SLC2A13: variants seen among roughly 807,000 people sequenced by gnomAD.
The protein encoded by SLC2A13 is proton myo-inositol cotransporter.
A neutral mutation model predicts 64.4 loss-of-function variants in SLC2A13; 32 were observed. The ratio of observed to expected loss-of-function variants is 0.50; its 90% confidence interval spans 0.37 to 0.67. The LOEUF (loss-of-function observed/expected upper bound fraction) is 0.67, where lower values mean the gene tolerates loss of function less well. Ranked by LOEUF, SLC2A13 falls within the 30% of genes least tolerant of loss-of-function variation. The pLI, the probability that SLC2A13 is intolerant of heterozygous loss-of-function variation, is 0.00. For missense variants in SLC2A13, 743 were observed against 829.2 expected, an observed-to-expected ratio of 0.90 and a Z score of 1.28; for synonymous variants, 338 against 327.1, an observed-to-expected ratio of 1.03 and a Z score of -0.36.
intron 6 of SLC2A13, chr12:39,830,600 G>T: frequency 2.2e-6 from 1 of 450,298 alleles, no homozygotes; most frequent in Non-Finnish European, 3.0e-6. Context: ...CTGGTTCCAA[G>T]TTGCATCAAA....
At chr12:40,044,547 T>G (rs556118124) in intron 2 of SLC2A13, among the ~76,000 whole-genome samples, 1 of 152,286 alleles carries the variant, frequency 6.6e-6, no homozygotes, top group South Asian at 2.1e-4. Flanking sequence ...TATTTCCTCT[T>G]TCTTCATGAA....
chr12:40,048,129 G>T lies in SLC2A13; in HGVS notation c.638C>A (p.Thr213Asn), dbSNP rs201782676. ...GAACTGCCCTCCTGTGATGAAGAGG[G>T]TATTAATGGTGACTAATCGGCCTCT... Reference protein sequence around the residue: ...NLRGRLVTINTLFITGGQFFA... With the variant: ...NLRGRLVTINNLFITGGQFFA... The change falls in exon 2 of 10, where the codon ACC (threonine) becomes AAC (asparagine). Residue 213 changes from threonine to asparagine, a missense_variant. This residue lies in a region of SLC2A13 where 448 missense variants were observed against 447.4 expected (regional missense o/e 1.00). Coordinates refer to ENST00000280871, the MANE Select transcript of SLC2A13 (RefSeq NM_052885.4). 4.3e-6 allele frequency: 7 copies of T among 1,613,570 alleles called. No individual in the cohort carries two copies. In the East Asian group the frequency reaches 8.9e-5, roughly 21 times the overall value.
At chr12:40,023,568 C>A (rs1947756726) in intron 3 of SLC2A13, among the ~76,000 whole-genome samples, 1 of 152,194 alleles carries the variant, frequency 6.6e-6, no homozygotes, top group Non-Finnish European at 1.5e-5. Context: ...TCAGAAGAAT[C>A]CTGTCTCTTC....
chr12:39,984,833 TTAGA>T (rs1946999207), intron 3 of SLC2A13, among the ~76,000 whole-genome samples: 2 of 152,134 alleles, frequency 1.3e-5, no homozygotes, highest in South Asian at 2.1e-4. Flanking sequence ...CACACAGCCC[TTAGA>T]TAGATAGCTT....
chr12:40,061,301 T>C (rs1041241569), intron 1 of SLC2A13, among the ~76,000 whole-genome samples: 14 of 152,118 alleles, frequency 9.2e-5, no homozygotes, highest in African/African-American at 3.4e-4. Context: ...TTAAAATTTA[T>C]ACTTTAGTCT....
At chr12:40,075,752 G>T (rs1938146752) in intron 1 of SLC2A13, among the ~76,000 whole-genome samples, 1 of 151,848 alleles carries the variant, frequency 6.6e-6, no homozygotes, top group Non-Finnish European at 1.5e-5. Context: ...TCCAAATATT[G>T]TCCTACAAGT....
chr12:39,843,999 G>A (rs1943244454), intron 6 of SLC2A13, among the ~76,000 whole-genome samples: 1 of 151,866 alleles, frequency 6.6e-6, no homozygotes, highest in African/African-American at 2.4e-5. Context: ...AGGTCATAGA[G>A]CTTTACCAAA....
At chr12:39,807,778 C>G (rs1942024355) in intron 7 of SLC2A13, among the ~76,000 whole-genome samples, 1 of 151,978 alleles carries the variant, frequency 6.6e-6, no homozygotes, top group South Asian at 2.1e-4. Flanking sequence ...GGGTCTTCTC[C>G]CCCTAGGTGA....
In SLC2A13 at chr12:39,758,512, A is replaced by G. The variant is rs546959922; in HGVS notation, c.*1514T>C. The G allele has an allele frequency of 6.6e-6, 1 of 152,100 alleles. No homozygotes were observed. Among genetic ancestry groups the G allele is most frequent in the South Asian group, 2.1e-4 (1 of 4,826 alleles). The allele number at this position is 152,100 out of a possible 1,614,324, so 9.4% of individuals were successfully genotyped here. On this transcript the variant is annotated 3_prime_UTR_variant, in exon 10 of 10. Coordinates refer to ENST00000280871, the MANE Select transcript of SLC2A13 (RefSeq NM_052885.4). ...CTAACTGGCCACAGAAGATTCATTC[A>G]TATTTTTCCTGGAACTAGCAAGTAA...
chr12:39,895,520 A>G (rs1193322347), intron 4 of SLC2A13, among the ~76,000 whole-genome samples: 1 of 1,740 alleles, frequency 5.7e-4, no homozygotes, highest in Non-Finnish European at 1.6e-3. Context: ...AAAATTATAT[A>G]TATATATATA....
chr12:40,050,311 G>A (rs1304029943), intron 1 of SLC2A13, among the ~76,000 whole-genome samples: 1 of 152,116 alleles, frequency 6.6e-6, no homozygotes, highest in Non-Finnish European at 1.5e-5. Context: ...TTGAGCATGG[G>A]AAATCAGGAC....
At chr12:40,021,746 G>C (rs765538447) in intron 3 of SLC2A13, among the ~76,000 whole-genome samples, 100 of 151,968 alleles carry the variant, frequency 6.6e-4, no homozygotes, top group Non-Finnish European at 1.1e-3. Context: ...ACTACCACAT[G>C]AAAAAAATAA....
chr12:40,040,032 C>T (rs962251428), intron 2 of SLC2A13, among the ~76,000 whole-genome samples: 1 of 152,204 alleles, frequency 6.6e-6, no homozygotes, highest in Admixed American at 6.5e-5. Context: ...ACAAACTGCT[C>T]TGTCATTACC....
rs549297588 is a variant in SLC2A13, at chr12:39,873,341, T to C, written c.1035-1380A>G. 6.6e-5 allele frequency among the ~76,000 whole-genome samples: 10 copies of C among 152,342 alleles called. No individual in the cohort carries two copies. In the East Asian group the frequency reaches 1.9e-3, roughly 29 times the overall value. Reference sequence around the variant, plus strand: ...GTTTTGCAGTCAGAGTGTAAAGTGATGATAACAATTATGAAAACAATTCAT... The same window carrying C: ...GTTTTGCAGTCAGAGTGTAAAGTGACGATAACAATTATGAAAACAATTCAT... On this transcript the variant is annotated intron_variant, in intron 4 of 9. Transcript: ENST00000280871.
At chr12:39,953,922 G>A (rs1946274825) in intron 3 of SLC2A13, among the ~76,000 whole-genome samples, 1 of 152,184 alleles carries the variant, frequency 6.6e-6, no homozygotes, top group Non-Finnish European at 1.5e-5. Context: ...TTTTGTGGAT[G>A]ATAGGTTGTC....
chr12:39,897,368 C>T (rs1194872493), intron 4 of SLC2A13, among the ~76,000 whole-genome samples: 1 of 152,174 alleles, frequency 6.6e-6, no homozygotes, highest in African/African-American at 2.4e-5. Flanking sequence ...CCTTCTTTAA[C>T]AGACAGCTGT....
At chr12:40,054,086 T>G (rs1185008530) in intron 1 of SLC2A13, among the ~76,000 whole-genome samples, 1 of 152,186 alleles carries the variant, frequency 6.6e-6, no homozygotes, top group Middle Eastern at 3.2e-3. Flanking sequence ...GCCCTTGATT[T>G]ATATAAGCCA....
At chr12:39,818,530 G>A (rs375483513) in intron 7 of SLC2A13, among the ~76,000 whole-genome samples, 20 of 152,154 alleles carry the variant, frequency 1.3e-4, no homozygotes, top group South Asian at 1.2e-3. Flanking sequence ...AGCTAATTAC[G>A]TAAGTTTATA....
intron 4 of SLC2A13, among the ~76,000 whole-genome samples, chr12:39,923,921 A>G (rs1377266242): frequency 6.6e-6 from 1 of 152,186 alleles, no homozygotes; most frequent in South Asian, 2.1e-4. Context: ...AATATGGAAA[A>G]AAGAATTAAA....
Sources: allele counts gnomAD v4.1 joint callset (sites outside exome capture counted in the v4.1 genomes callset), GRCh38; gene constraint gnomAD v4.1.1; regional missense constraint gnomAD v4.1.1; transcripts MANE v1.5; gene names NCBI Gene and HGNC (gene_info 2026-07-23, HGNC 2026-07-21).